PLEKHA7: variants seen among roughly 807,000 people sequenced by gnomAD.
PLEKHA7 encodes pleckstrin homology domain-containing family A member 7.
Under a neutral mutation model 170.0 loss-of-function variants are expected in PLEKHA7, and 104 were observed. The ratio of observed to expected loss-of-function variants is 0.61; its 90% CI spans 0.52 to 0.72. The LOEUF is 0.72. Ranked by LOEUF, PLEKHA7 falls within the 30% of genes least tolerant of loss-of-function variation. The probability of loss-of-function intolerance (pLI) is 0.00; values close to 1 mark genes in which losing one functional copy is unlikely to be tolerated. For missense variants in PLEKHA7, 1,615 were observed against 1,671.7 expected (o/e 0.97, Z 0.59); for synonymous variants, 648 against 660.8 (o/e 0.98, Z 0.30).
At chr11:16,905,290 T>C (rs1000468204) in intron 3 of PLEKHA7, among the ~76,000 whole-genome samples, 1 of 152,120 alleles carries the variant, frequency 6.6e-6, no homozygotes, top group Non-Finnish European at 1.5e-5. Context: ...ATAAAATAAA[T>C]GTTATTTCCC....
chr11:16,851,182 G>T lies in PLEKHA7; in HGVS notation c.696+9C>A. On this transcript the variant is annotated intron_variant, in intron 8 of 26. Transcript: ENST00000531066. ...CAGAATGGCTGCATTAGAGGTGCAG[G>T]GGCAGTACCTTAAAGGAATATTTGC... 1 of 1,592,550 alleles carries T rather than the reference G, an allele frequency of 6.3e-7. No individual in the cohort carries two copies. Among genetic ancestry groups the T allele is most frequent in the South Asian group, 1.1e-5 (1 of 86,986 alleles).
intron 3 of PLEKHA7, among the ~76,000 whole-genome samples, chr11:16,943,811 G>A (rs1468338234): frequency 1.3e-5 from 2 of 152,168 alleles, no homozygotes; most frequent in African/African-American, 4.8e-5. Flanking sequence ...ACAGTGCCAG[G>A]AGAAACTAAG....
chr11:16,937,350 G>C lies in PLEKHA7; in HGVS notation c.222-66168C>G, dbSNP rs1198377667. ...TGGCCCAAGTCTCATGAGGTATATA[G>C]TCTAGTAGAGAACACAAGCTTTCAA... On this transcript the variant is annotated intron_variant, in intron 3 of 26. Coordinates refer to ENST00000531066, the MANE Select transcript of PLEKHA7 (RefSeq NM_001329630.2). 2.0e-5 allele frequency among the ~76,000 whole-genome samples: 3 copies of C among 152,160 alleles called. No individual in the cohort carries two copies. In the East Asian group the frequency reaches 5.8e-4, roughly 29 times the overall value.
At chr11:16,965,279 C>T in intron 3 of PLEKHA7, among the ~76,000 whole-genome samples, 1 of 151,978 alleles carries the variant, frequency 6.6e-6, no homozygotes, top group East Asian at 1.9e-4. Context: ...GCCAAGATCA[C>T]ACCACTGCGC....
Position 16,841,602 on chromosome 11 carries a change from A to G in PLEKHA7, c.817T>C (p.Trp273Arg). 1 of 1,614,064 alleles carries G rather than the reference A, an allele frequency of 6.2e-7. No homozygotes were observed. Among genetic ancestry groups the G allele is most frequent in the Non-Finnish European group, 8.5e-7 (1 of 1,180,014 alleles). The change falls in exon 9 of 27, where the codon TGG (tryptophan) becomes CGG (arginine). Residue 273 changes from tryptophan to arginine, a missense_variant. Transcript: ENST00000531066. ...SADTQEDMNA[W>R]VRAMNQAAQV... ...GCAGCCTGGTTCATGGCCCTGACCC[A>G]AGCGTTCATGTCCTCCTGGGTGTCG...
At chr11:16,788,308 A>G (rs1849540551) in intron 23 of PLEKHA7, 1 of 152,526 alleles carries the variant, frequency 6.6e-6, no homozygotes, top group Admixed American at 6.5e-5. Flanking sequence ...AAGCCCGGTA[A>G]TAAGTAGCAC....
At chr11:16,933,929 G>A (rs905294381) in intron 3 of PLEKHA7, among the ~76,000 whole-genome samples, 1 of 152,204 alleles carries the variant, frequency 6.6e-6, no homozygotes, top group South Asian at 2.1e-4. Context: ...AACCCTCTGT[G>A]ATCCAGCAAA....
intron 3 of PLEKHA7, among the ~76,000 whole-genome samples, chr11:16,984,113 T>C (rs1486327507): frequency 6.6e-6 from 1 of 152,038 alleles, no homozygotes; most frequent in Non-Finnish European, 1.5e-5. Context: ...AAAACTACCA[T>C]TTAATGAGGG....
intron 4 of PLEKHA7, 84 bp downstream of exon 4, chr11:16,871,015 A>G (rs997623598): frequency 9.5e-7 from 1 of 1,055,632 alleles, no homozygotes; most frequent in African/African-American, 1.6e-5. Flanking sequence ...CTCAGAGAAA[A>G]CAGTCCAGTA....
intron 3 of PLEKHA7, among the ~76,000 whole-genome samples, chr11:16,905,396 T>C (rs548749637): frequency 3.3e-5 from 5 of 152,338 alleles, no homozygotes; most frequent in African/African-American, 1.2e-4. Flanking sequence ...GTAATGCAGT[T>C]ATATGACCTT....
chr11:16,855,478 C>T (rs1174215117), intron 5 of PLEKHA7: 1 of 307,018 alleles, frequency 3.3e-6, no homozygotes, highest in Middle Eastern at 1.0e-3. Flanking sequence ...TTCTCAGGGC[C>T]TCATGTCACC....
At chr11:16,831,280 G>A (rs1851084748) in intron 9 of PLEKHA7, among the ~76,000 whole-genome samples, 1 of 152,136 alleles carries the variant, frequency 6.6e-6, no homozygotes, top group East Asian at 1.9e-4. Flanking sequence ...GGAATTTAAG[G>A]TCAAAAAGGT....
chr11:16,987,823 G>A (rs970096028), intron 3 of PLEKHA7, among the ~76,000 whole-genome samples: 1 of 152,156 alleles, frequency 6.6e-6, no homozygotes, highest in Non-Finnish European at 1.5e-5. Flanking sequence ...AGCCTTGAGG[G>A]CAGAGGATTC....
At chr11:16,906,960 G>A (rs7483332) in intron 3 of PLEKHA7, among the ~76,000 whole-genome samples, 1 of 147,926 alleles carries the variant, frequency 6.8e-6, no homozygotes, top group Non-Finnish European at 1.5e-5. Flanking sequence ...TGTGAGGAGC[G>A]TCTCTGCCCG....
chr11:16,990,348 C>T (rs1474749736), intron 3 of PLEKHA7, among the ~76,000 whole-genome samples: 1 of 142,708 alleles, frequency 7.0e-6, no homozygotes, highest in African/African-American at 2.7e-5. Flanking sequence ...GAAGACACAC[C>T]TGTTCATACT....
At position 16,778,664 on chromosome 11, in the gene PLEKHA7, G is replaced by A. The variant is rs768985440; in HGVS notation, c.*334C>T. On this transcript the variant is annotated 3_prime_UTR_variant, in exon 27 of 27. Coordinates refer to ENST00000531066, the MANE Select transcript of PLEKHA7 (RefSeq NM_001329630.2). ...CACCCAGAAGTACCTGAATCTGTAC[G>A]TGCAGCTGCAAAGTCCTGCATCCTC... 20 of 372,984 alleles carry A rather than the reference G, an allele frequency of 5.4e-5. No homozygotes were observed. The highest frequency in any genetic ancestry group is 7.1e-5 in the Non-Finnish European group (14 of 197,798). The allele number at this position is 372,984 out of a possible 1,614,324, so 23.1% of individuals were successfully genotyped here. A position where few individuals can be genotyped will look rare whatever the true frequency, so the allele number is the denominator to read the frequency against.
chr11:16,819,073 G>A (rs1421165909), intron 10 of PLEKHA7, among the ~76,000 whole-genome samples: 3 of 150,424 alleles, frequency 2.0e-5, no homozygotes, highest in Non-Finnish European at 2.9e-5. Context: ...AAAGTGTTGG[G>A]ATTACAGGAG....
chr11:16,851,561 G>A (rs748674026), intron 7 of PLEKHA7, among the ~76,000 whole-genome samples: 7 of 152,024 alleles, frequency 4.6e-5, no homozygotes, highest in East Asian at 1.9e-4. Context: ...CGATTCTCCT[G>A]CCTTAGCCTC....
chr11:16,838,716 A>C (rs1358318112), intron 9 of PLEKHA7, among the ~76,000 whole-genome samples: 1 of 40,738 alleles, frequency 2.5e-5, no homozygotes, highest in South Asian at 7.8e-4. Flanking sequence ...TTTTTTTTTG[A>C]GACAGTCTCG....
Sources: gnomAD v4.1 joint callset for allele counts (sites outside exome capture counted in the v4.1 genomes callset) on GRCh38, gnomAD v4.1.1 for gene constraint, MANE v1.5 for transcripts, NCBI Gene and HGNC (gene_info 2026-07-23, HGNC 2026-07-21) for gene names.